The following TPTE variants were observed in gnomAD, a reference collection of about 807,000 sequenced individuals.
TPTE encodes putative tyrosine-protein phosphatase TPTE.
TPTE carries 59 observed loss-of-function variants against 84.1 expected under a neutral mutation model. The ratio of observed to expected loss-of-function variants is 0.70; its 90% confidence interval spans 0.57 to 0.87. TPTE has a LOEUF of 0.87. TPTE is among the 40% of genes least tolerant of loss of function. The probability of loss-of-function intolerance (pLI) is 0.00; values close to 1 mark genes in which losing one functional copy is unlikely to be tolerated. For synonymous variants in TPTE, 130 were observed against 223.5 expected (o/e 0.58, Z 3.73); for missense variants, 382 against 659.6 (o/e 0.58, Z 4.61).
chr21:10,559,628 C>G lies in TPTE; in HGVS notation c.284+84C>G. 2.5e-6 allele frequency: 4 copies of G among 1,601,322 alleles called. No homozygotes were observed. The South Asian group carries it at 4.4e-5, about 18-fold the overall frequency. On this transcript the variant is annotated intron_variant, in intron 9 of 23. Coordinates refer to ENST00000618007, the MANE Select transcript of TPTE (RefSeq NM_199261.4). ...GTGGCTCACACCTGTAATCCCAGCA[C>G]CCTGGGAGGCCGAGGCGGGCGGATC...
intron 8 of TPTE, among the ~76,000 whole-genome samples, chr21:10,553,290 T>C (rs963195086): frequency 1.1e-4 from 16 of 152,298 alleles, no homozygotes; most frequent in African/African-American, 3.4e-4. Flanking sequence ...ACTGCAGACA[T>C]ATTCAGGAGA....
At chr21:10,599,860 CT>C (rs59780138) in intron 21 of TPTE, among the ~76,000 whole-genome samples, 11,879 of 142,446 alleles carry the variant, frequency 0.083, 1 homozygote, top group African/African-American at 0.23. Flanking sequence ...TCTTCCTTTC[CT>C]TTTTTTTTTT....
At chr21:10,521,794 G>GGCGGATGGCTGAACCCCTCGCCC in intron 1 of TPTE, 100 bp downstream of exon 1, 1 of 152,462 alleles carries the variant, frequency 6.6e-6, no homozygotes, top group African/African-American at 2.4e-5. Flanking sequence ...TAGGCGCCTC[G>GGCGGATGGCTGAACCCCTCGCCC]GCGGATGGCT....
intron 14 of TPTE, among the ~76,000 whole-genome samples, chr21:10,575,197 C>A (rs111880707): frequency 0.014 from 2,105 of 145,886 alleles, no homozygotes; most frequent in South Asian, 0.065. Flanking sequence ...TACAGACAGT[C>A]TGGACAAGGA....
In TPTE at chr21:10,526,007, C is replaced by G. The variant is rs537872152; in HGVS notation, c.-102+1319C>G. Among the ~76,000 whole-genome samples, 36 of 152,368 alleles carry G rather than the reference C, an allele frequency of 2.4e-4. No individual in the cohort carries two copies. In the South Asian group the frequency reaches 7.3e-3, roughly 31 times the overall value. On this transcript the variant is annotated intron_variant, in intron 2 of 23. Transcript: ENST00000618007. ...ATCTAGTAATCATTTAATAAGGCTGCTTATGTCAGAAACTCAAATTCTTAC... is the reference window on the plus strand; with the variant it reads ...ATCTAGTAATCATTTAATAAGGCTGGTTATGTCAGAAACTCAAATTCTTAC...
intron 17 of TPTE, among the ~76,000 whole-genome samples, chr21:10,583,489 C>T (rs60946834): frequency 8.7e-4 from 133 of 152,044 alleles, no homozygotes; most frequent in African/African-American, 2.9e-3. Context: ...TGTTATTGGT[C>T]ATAAATGTAT....
At chr21:10,567,115 A>AG (rs2074937230) in intron 10 of TPTE, among the ~76,000 whole-genome samples, 1 of 66,676 alleles carries the variant, frequency 1.5e-5, no homozygotes, top group Non-Finnish European at 3.1e-5. Context: ...TCTAAAAAAA[A>AG]AAAAAAAAAA....
intron 21 of TPTE, among the ~76,000 whole-genome samples, chr21:10,599,650 G>A (rs112557485): frequency 5.9e-5 from 9 of 152,406 alleles, no homozygotes; most frequent in South Asian, 2.1e-4. Context: ...TTTCAACAAC[G>A]TCACTCTTAT....
chr21:10,603,549 T>G lies in TPTE; in HGVS notation c.1450-13T>G. 2.5e-6 allele frequency: 4 copies of G among 1,608,028 alleles called. No individual in the cohort carries two copies. The highest frequency in any genetic ancestry group is 3.4e-5 in the Admixed American group (2 of 59,502). On this transcript the variant is annotated splice_polypyrimidine_tract_variant and intron_variant, in intron 22 of 23. Transcript: ENST00000618007. ...GGTATCAGTTTTACTTTGAAATTTT[T>G]TTTTCTTTTTAGAATCTTCCTACAT...
chr21:10,564,046 C>T (rs1485169019), intron 10 of TPTE, among the ~76,000 whole-genome samples: 4 of 152,306 alleles, frequency 2.6e-5, no homozygotes, highest in Non-Finnish European at 5.9e-5. Flanking sequence ...CCCAGCTACT[C>T]AGGAGGCTGA....
intron 7 of TPTE, among the ~76,000 whole-genome samples, chr21:10,546,678 T>C (rs1360506253): frequency 1.3e-5 from 2 of 152,308 alleles, no homozygotes; most frequent in Admixed American, 6.5e-5. Flanking sequence ...TGGAGAATGT[T>C]GTAGTGGTCT....
chr21:10,553,209 C>T (rs957215260), intron 8 of TPTE, among the ~76,000 whole-genome samples: 2 of 152,308 alleles, frequency 1.3e-5, no homozygotes, highest in African/African-American at 2.4e-5. Context: ...TCCTGTTGCA[C>T]TGACCTGAAG....
At chr21:10,540,187 A>G (rs58684063) in intron 4 of TPTE, among the ~76,000 whole-genome samples, 2,828 of 151,116 alleles carry the variant, frequency 0.019, no homozygotes, top group African/African-American at 0.056. Context: ...AGGCTGGCCA[A>G]TGCACCATGT....
chr21:10,541,091 C>CT, intron 4 of TPTE, 21 bp from the exon 5 acceptor site: 1 of 1,612,768 alleles, frequency 6.2e-7, no homozygotes. Context: ...GGGTCTGACT[C>CT]TGACCATATT....
In TPTE at chr21:10,587,465, T is replaced by C. The variant is rs1349165390; in HGVS notation, c.1028-2997T>C. ...GCTTTCACTTATGAGTGAGAACATA[T>C]GGTATTTGGTTTTTTGTTCCTGCAT... On this transcript the variant is annotated intron_variant, in intron 17 of 23. Coordinates refer to ENST00000618007, the MANE Select transcript of TPTE (RefSeq NM_199261.4). 5.9e-5 allele frequency among the ~76,000 whole-genome samples: 9 copies of C among 152,402 alleles called. No homozygotes were observed. The East Asian group carries it at 1.2e-3, about 20-fold the overall frequency.
At chr21:10,545,487 A>T (rs762930468) in intron 7 of TPTE, among the ~76,000 whole-genome samples, 3 of 152,418 alleles carry the variant, frequency 2.0e-5, no homozygotes, top group South Asian at 4.1e-4. Flanking sequence ...TGAAGTGTAC[A>T]TTTTTAATCG....
intron 7 of TPTE, among the ~76,000 whole-genome samples, chr21:10,545,213 A>G (rs1245695456): frequency 3.3e-5 from 5 of 151,604 alleles, no homozygotes; most frequent in Admixed American, 6.5e-5. Context: ...GAGAGAAAGA[A>G]GAGAGGCATA....
intron 7 of TPTE, among the ~76,000 whole-genome samples, chr21:10,552,011 G>T (rs1321385376): frequency 8.5e-5 from 13 of 152,302 alleles, no homozygotes; most frequent in African/African-American, 2.9e-4. Flanking sequence ...CTTCATTGTT[G>T]TCCTATTTTA....
intron 3 of TPTE, among the ~76,000 whole-genome samples, chr21:10,531,425 T>C (rs564928387): frequency 1.8e-4 from 27 of 152,414 alleles, no homozygotes; most frequent in African/African-American, 6.3e-4. Context: ...TCTTCCACCA[T>C]AAATGGGAGC....
Sources: allele counts gnomAD v4.1 joint callset (sites outside exome capture counted in the v4.1 genomes callset), GRCh38; gene constraint gnomAD v4.1.1; transcripts MANE v1.5; gene names NCBI Gene and HGNC (gene_info 2026-07-23, HGNC 2026-07-21).